The following CREB3L1 variants were observed in gnomAD, a reference collection of about 807,000 sequenced individuals.
CREB3L1 encodes cyclic AMP-responsive element-binding protein 3-like protein 1.
A neutral mutation model predicts 54.5 loss-of-function variants in CREB3L1; 33 were observed. The observed-to-expected ratio is 0.61, with a 90% CI of 0.46 to 0.81. CREB3L1 has a LOEUF of 0.81. Ranked by LOEUF, CREB3L1 falls within the 30% of genes least tolerant of loss-of-function variation. The probability of loss-of-function intolerance (pLI) is 0.00; values close to 1 mark genes in which losing one functional copy is unlikely to be tolerated. For missense variants in CREB3L1, 656 were observed against 673.3 expected, an observed-to-expected ratio of 0.97 and a Z score of 0.29; for synonymous variants, 284 against 286.4, an observed-to-expected ratio of 0.99 and a Z score of 0.08.
Position 46,311,053 on chromosome 11 carries a change from C to T in CREB3L1, c.617C>T (p.Pro206Leu), listed in dbSNP as rs775343544. 1.6e-5 allele frequency: 25 copies of T among 1,605,670 alleles called. No individual in the cohort carries two copies. The highest frequency in any genetic ancestry group is 1.7e-4 in the Middle Eastern group (1 of 5,956). The change falls in exon 5 of 12, where the codon CCG (proline) becomes CTG (leucine). Residue 206 changes from proline to leucine, a missense_variant. Physicochemically the swap from Pro to Leu is moderately conservative, Grantham distance 98 (BLOSUM62 -3). This residue lies in a region of CREB3L1 where 339 missense variants were observed against 331.5 expected (regional missense o/e 1.02). Coordinates refer to ENST00000621158, the MANE Select transcript of CREB3L1 (RefSeq NM_052854.4). ...CCAGAGGACCTGGTGCAGATGCCTC[C>T]GACGCCCCCCAGCAGCCATGGCAGT... ...VTPEDLVQMP[P>L]TPPSSHGSDS... is the part of the protein sequence containing the mutation.
chr11:46,316,811 A>G (rs1444884628), intron 9 of CREB3L1, among the ~76,000 whole-genome samples: 1 of 151,786 alleles, frequency 6.6e-6, no homozygotes, highest in Non-Finnish European at 1.5e-5. Context: ...CGTGTTTCAG[A>G]CCTCTTCCAG....
chr11:46,290,291 C>G (rs1243889174), intron 1 of CREB3L1, among the ~76,000 whole-genome samples: 1 of 152,148 alleles, frequency 6.6e-6, no homozygotes, highest in East Asian at 1.9e-4. Context: ...TCCTCCAATA[C>G]TTCAGGACCC....
Position 46,287,108 on chromosome 11 carries a change from T to A in CREB3L1, c.102+8895T>A, listed in dbSNP as rs556810422. 1.5e-4 allele frequency among the ~76,000 whole-genome samples: 23 copies of A among 152,340 alleles called. 1 individual carries two copies. The South Asian group carries it at 4.6e-3, about 30-fold the overall frequency. ...TTCAGCACTGCTTAGACCTGGGGCC[T>A]CCCACTTGTCACCTGTGTGAGCTTG... is the stretch of plus-strand genomic sequence containing the variant. On this transcript the variant is annotated intron_variant, in intron 1 of 11. Coordinates refer to ENST00000621158, the MANE Select transcript of CREB3L1 (RefSeq NM_052854.4).
rs573855785 is a variant in CREB3L1 at position 46,295,767 on chromosome 11, G to C, written c.103-4168G>C. Among the ~76,000 whole-genome samples the C allele has an allele frequency of 1.4e-4, 22 of 152,370 alleles. No homozygotes were observed. Among genetic ancestry groups the C allele is most frequent in the African/African-American group, 5.3e-4 (22 of 41,600 alleles). On this transcript the variant is annotated intron_variant, in intron 1 of 11. Transcript: ENST00000621158. This position sits in a 1 kb window ranked among gnomAD's most constrained non-coding sequence, Gnocchi z 4.6. ...GGTTAACCCTTTGTGGGCCGCTCCAGGACGGCGGCACCCGGATCCTTCTCT... is the reference window on the plus strand; with the variant it reads ...GGTTAACCCTTTGTGGGCCGCTCCACGACGGCGGCACCCGGATCCTTCTCT...
chr11:46,291,901 C>T (rs1939135891), intron 1 of CREB3L1, among the ~76,000 whole-genome samples: 3 of 152,182 alleles, frequency 2.0e-5, no homozygotes, highest in Admixed American at 2.0e-4. Flanking sequence ...AGGCCAGGAC[C>T]GCTGAGGATG....
chr11:46,277,986 C>A lies in CREB3L1; in HGVS notation c.-126C>A. The A allele has an allele frequency of 4.7e-6, 2 of 423,436 alleles. No homozygotes were observed. The highest frequency in any genetic ancestry group is 7.6e-5 in the South Asian group (1 of 13,134). The allele number at this position is 423,436 out of a possible 1,614,324, so 26.2% of individuals were successfully genotyped here. On this transcript the variant is annotated 5_prime_UTR_variant, in exon 1 of 12. Coordinates refer to ENST00000621158, the MANE Select transcript of CREB3L1 (RefSeq NM_052854.4). ...GCGCCGCCTCCGTCCGCCCCTCCCC[C>A]GGGGCTTCGCCCCGGACCTGCCCCC... is the stretch of plus-strand genomic sequence containing the variant.
At chr11:46,298,737 C>T (rs1939248873) in intron 1 of CREB3L1, among the ~76,000 whole-genome samples, 1 of 152,134 alleles carries the variant, frequency 6.6e-6, no homozygotes, top group Non-Finnish European at 1.5e-5. Context: ...TTTCTTTACA[C>T]ATTTATAATT....
Position 46,278,161 on chromosome 11 carries a change from C to T in CREB3L1, c.50C>T (p.Ser17Phe), listed in dbSNP as rs1238575582. 6.3e-7 allele frequency: 1 copy of T among 1,576,584 alleles called. No homozygotes were observed. Among genetic ancestry groups the T allele is most frequent in the South Asian group, 1.2e-5 (1 of 85,712 alleles). ...CCGGCCGACAGGCTGTTCCCCGGAT[C>T]CAGCTTCCTGGACTTGGGGGATCTG... ...PFPADRLFPGSSFLDLGDLNE... is the reference protein window; with the variant it reads ...PFPADRLFPGFSFLDLGDLNE... The change falls in exon 1 of 12, where the codon TCC becomes TTC. Residue 17 changes from serine (S) to phenylalanine (F), a missense_variant. Physicochemically the swap from Ser to Phe is radical, Grantham distance 155. This residue lies in a region of CREB3L1 where 339 missense variants were observed against 331.5 expected (regional missense o/e 1.02). Coordinates refer to ENST00000621158, the MANE Select transcript of CREB3L1 (RefSeq NM_052854.4). The surrounding 1 kb of genome is among the most constrained non-coding windows in gnomAD (Gnocchi z 4.2).
At chr11:46,312,247 T>A (rs980438620) in intron 5 of CREB3L1, 78 bp from the exon 6 acceptor site, 38 of 1,289,758 alleles carry the variant, frequency 2.9e-5, no homozygotes, top group Non-Finnish European at 3.9e-5. Flanking sequence ...GCCCAGGTCA[T>A]ATAGATAGCA....
rs3835060 is a variant in CREB3L1 at position 46,295,244 on chromosome 11, A to AG, written c.103-4687dup. 0.57 allele frequency: 87,297 copies of AG among 152,296 alleles called. 27,803 individuals are homozygous for AG. Among genetic ancestry groups the AG allele is most frequent in the African/African-American group, 0.87 (35,951 of 41,326 alleles). The allele number at this position is 152,296 out of a possible 1,614,324, so 9.4% of individuals were successfully genotyped here. ...CTGACCTTGGGGAAGGAATTTAGGG[A>AG]GGGGTAAAACAAGGCTAGAGCTGGT... On this transcript the variant is annotated intron_variant, in intron 1 of 11. Transcript: ENST00000621158. This position sits in a 1 kb window ranked among gnomAD's most constrained non-coding sequence, Gnocchi z 4.6.
chr11:46,317,348 T>G lies in CREB3L1; in HGVS notation c.1132-13T>G. On this transcript the variant is annotated splice_polypyrimidine_tract_variant and intron_variant, in intron 9 of 11. Transcript: ENST00000621158. The stretch of plus-strand genomic sequence containing the variant: ...TTACCCCAGATCTGATGCCACTCTC[T>G]CTTTGCTACCAGGTGGCAGCCTTGT... 1 of 1,613,924 alleles carries G rather than the reference T, an allele frequency of 6.2e-7. No homozygotes were observed. The highest frequency in any genetic ancestry group is 8.5e-7 in the Non-Finnish European group (1 of 1,179,834).
intron 1 of CREB3L1, among the ~76,000 whole-genome samples, chr11:46,293,330 C>A (rs1308461880): frequency 2.0e-5 from 3 of 152,202 alleles, no homozygotes; most frequent in Non-Finnish European, 4.4e-5. Context: ...TCGCTGCCAT[C>A]GCTTCCTCCT....
At chr11:46,286,716 C>T (rs1429566892) in intron 1 of CREB3L1, among the ~76,000 whole-genome samples, 6 of 151,992 alleles carry the variant, frequency 3.9e-5, no homozygotes, top group Non-Finnish European at 8.8e-5. Flanking sequence ...ACCCAGGAGG[C>T]GGAGGTTGCA....
In CREB3L1 at chr11:46,312,630, C is replaced by T. The variant is rs768811137; in HGVS notation, c.922C>T (p.Arg308Cys). The T allele has an allele frequency of 1.2e-6, 2 of 1,611,710 alleles. No individual in the cohort carries two copies. Among genetic ancestry groups the T allele is most frequent in the Non-Finnish European group, 8.5e-7 (1 of 1,178,874 alleles). Residue 308 changes from arginine (R) to cysteine (C), a missense_variant, in exon 7 of 12, where the codon CGT becomes TGT. Coordinates refer to ENST00000621158, the MANE Select transcript of CREB3L1 (RefSeq NM_052854.4). ...CCTCTAGATCTCAGCCCAGGAGAGC[C>T]GTCGTAAGAAGAAGGAGTATGTGGA... ...IKNKISAQESRRKKKEYVECL... is the reference protein window; with the variant it reads ...IKNKISAQESCRKKKEYVECL...
intron 2 of CREB3L1, among the ~76,000 whole-genome samples, chr11:46,304,475 G>T (rs1566187128): frequency 1.3e-5 from 2 of 148,532 alleles, no homozygotes; most frequent in African/African-American, 4.9e-5. Context: ...CCATCTCAAA[G>T]AAAAAAAAAA....
In CREB3L1 at chr11:46,311,120, C is replaced by T; in HGVS notation, c.684C>T (p.Ser228=). Residue 228 remains serine (S), a synonymous_variant, in exon 5 of 12, where the codon TCC becomes TCT. Coordinates refer to ENST00000621158, the MANE Select transcript of CREB3L1 (RefSeq NM_052854.4). Reference sequence around the variant, plus strand: ...AGAGTCCCCGCTCTCTGCCCCCCTCCAGCCCTGTCAGGCCCATGGCGCGCT... The same window carrying T: ...AGAGTCCCCGCTCTCTGCCCCCCTCTAGCCCTGTCAGGCCCATGGCGCGCT... ...GSQSPRSLPP[S]SPVRPMARSS... 6.2e-7 allele frequency: 1 copy of T among 1,607,336 alleles called. No homozygotes were observed.
intron 8 of CREB3L1, 118 bp downstream of exon 8, chr11:46,313,037 A>AC: frequency 1.4e-6 from 1 of 734,990 alleles, no homozygotes; most frequent in African/African-American, 1.8e-5. Context: ...GATGACAGGG[A>AC]CCCCAGAAAC....
At chr11:46,309,720 G>A (rs1213377263) in intron 3 of CREB3L1, among the ~76,000 whole-genome samples, 1 of 152,220 alleles carries the variant, frequency 6.6e-6, no homozygotes, top group African/African-American at 2.4e-5. Context: ...TGGTGTGGAA[G>A]GTGGCCCCAC....
At chr11:46,290,275 C>G (rs942234727) in intron 1 of CREB3L1, among the ~76,000 whole-genome samples, 2 of 152,140 alleles carry the variant, frequency 1.3e-5, no homozygotes, top group South Asian at 2.1e-4. Flanking sequence ...ACAAGATTCC[C>G]CCATCTCCTC....
Sources: gnomAD v4.1 joint callset for allele counts (sites outside exome capture counted in the v4.1 genomes callset) on GRCh38, gnomAD v4.1.1 for gene constraint, gnomAD v4.1.1 regional missense constraint, Gnocchi (gnomAD v3.1) non-coding constraint, MANE v1.5 for transcripts, NCBI Gene and HGNC (gene_info 2026-07-23, HGNC 2026-07-21) for gene names.